Variants in TRPM3 observed in about 807,000 individuals in gnomAD.
The protein encoded by TRPM3 is long transient receptor potential channel 3.
TRPM3 carries 77 observed loss-of-function variants against 181.2 expected under a neutral mutation model. The ratio of observed to expected loss-of-function variants is 0.42; its 90% CI spans 0.35 to 0.51. The LOEUF (loss-of-function observed/expected upper bound fraction) is 0.51. Ranked by LOEUF, TRPM3 falls within the 20% of genes least tolerant of loss-of-function variation. TRPM3 has a pLI of 0.01. For missense variants in TRPM3, 1,759 were observed against 2,196.7 expected, an observed-to-expected ratio of 0.80 and a Z score of 3.98; for synonymous variants, 745 against 796.4, an observed-to-expected ratio of 0.94 and a Z score of 1.09.
At chr9:70,542,811 A>G (rs1374079751) in intron 25 of TRPM3, among the ~76,000 whole-genome samples, 1 of 152,152 alleles carries the variant, frequency 6.6e-6, no homozygotes, top group African/African-American at 2.4e-5. Flanking sequence ...TATTGCATGA[A>G]CTCTATCCTG....
intron 1 of TRPM3, among the ~76,000 whole-genome samples, chr9:70,893,695 C>A (rs1219526807): frequency 2.0e-5 from 3 of 152,082 alleles, no homozygotes; most frequent in Non-Finnish European, 2.9e-5. Context: ...AAGCAAAGCG[C>A]CCTCCTCCTG....
rs2041783872 is a variant in TRPM3 at position 70,536,476 on chromosome 9, T to G, written c.4637A>C (p.Asn1546Thr). The G allele has an allele frequency of 6.2e-7, 1 of 1,614,184 alleles. No individual in the cohort carries two copies. The highest frequency in any genetic ancestry group is 8.5e-7 in the Non-Finnish European group (1 of 1,180,030). The change falls in exon 26 of 26, where the codon AAC becomes ACC. Residue 1546 changes from asparagine to threonine, a missense_variant. Physicochemically the swap from Asn to Thr is moderately conservative, Grantham distance 65. This residue lies in a region of TRPM3 where 612 missense variants were observed against 590.0 expected (regional missense o/e 1.04). Transcript: ENST00000677713. The part of the protein sequence containing the change: ...MFSPSRSYYA[N>T]FGVPVKTAEY... ...TGCTGTTTTTACAGGCACCCCAAAG[T>G]TGGCATAATAGCTCCTTGAGGGGGA... is the stretch of plus-strand genomic sequence containing the variant.
chr9:71,117,208 C>G (rs181926697), intron 1 of TRPM3, among the ~76,000 whole-genome samples: 18 of 152,290 alleles, frequency 1.2e-4, no homozygotes, highest in Admixed American at 3.9e-4. Flanking sequence ...GTTGCATCAT[C>G]TCACCCATTT....
intron 1 of TRPM3, among the ~76,000 whole-genome samples, chr9:71,319,933 CTT>C (rs981182071): frequency 7.2e-5 from 11 of 152,062 alleles, no homozygotes; most frequent in Non-Finnish European, 1.5e-5. Context: ...TATAAGAAGA[CTT>C]TATATCTTTG....
intron 8 of TRPM3, among the ~76,000 whole-genome samples, chr9:70,700,462 G>A (rs1389717289): frequency 1.3e-5 from 2 of 152,132 alleles, no homozygotes; most frequent in Non-Finnish European, 2.9e-5. Flanking sequence ...ACTCTGCAGT[G>A]GAATCAGAAT....
rs537405130 is a variant in TRPM3 at position 71,064,711 on chromosome 9, G to A, written c.177+56467C>T. On this transcript the variant is annotated intron_variant, in intron 1 of 25. Coordinates refer to ENST00000677713, the MANE Select transcript of TRPM3 (RefSeq NM_001366145.2). ...AGACTGTTTGAAACTTTGAATTCAC[G>A]TCAGTCAGTAGCCATTTTAAAACCC... Among the ~76,000 whole-genome samples the A allele has an allele frequency of 2.6e-4, 40 of 152,164 alleles. No individual in the cohort carries two copies. The South Asian group carries it at 2.9e-3, about 11-fold the overall frequency.
intron 8 of TRPM3, among the ~76,000 whole-genome samples, chr9:70,698,024 A>C (rs1351172788): frequency 6.6e-6 from 1 of 152,078 alleles, no homozygotes; most frequent in African/African-American, 2.4e-5. Flanking sequence ...CCTAGCCAAC[A>C]TGGTGAAACC....
chr9:71,288,484 C>T (rs1532801), intron 1 of TRPM3, among the ~76,000 whole-genome samples: 32,548 of 151,936 alleles, frequency 0.21, 3,800 homozygotes, highest in African/African-American at 0.27. Context: ...AAAATATATA[C>T]GTTTTGCTTC....
intron 19 of TRPM3, among the ~76,000 whole-genome samples, chr9:70,606,828 AAACT>A (rs758122027): frequency 5.3e-5 from 8 of 151,742 alleles, no homozygotes; most frequent in South Asian, 4.1e-4. Context: ...CATGCTTCTT[AAACT>A]AACTATCAAA....
At chr9:70,742,489 G>A (rs1455928305) in intron 8 of TRPM3, among the ~76,000 whole-genome samples, 1 of 152,086 alleles carries the variant, frequency 6.6e-6, no homozygotes, top group Admixed American at 6.6e-5. Flanking sequence ...TTATTAACCA[G>A]TTATCCTCCA....
intron 9 of TRPM3, among the ~76,000 whole-genome samples, chr9:70,673,667 G>A (rs764808025): frequency 6.6e-6 from 1 of 152,058 alleles, no homozygotes; most frequent in Non-Finnish European, 1.5e-5. Flanking sequence ...AGTGGCTCAC[G>A]CCTGTAATCC....
chr9:71,420,793 GAGAAAGAA>G (rs1249550049), intron 1 of TRPM3, among the ~76,000 whole-genome samples: 3 of 18,784 alleles, frequency 1.6e-4, no homozygotes, highest in East Asian at 2.0e-3. Context: ...GAGAAAGAGA[GAGAAAGAA>G]AGAGAGAAAG....
chr9:70,943,480 G>A (rs995723972), intron 1 of TRPM3, among the ~76,000 whole-genome samples: 4 of 152,034 alleles, frequency 2.6e-5, no homozygotes, highest in Admixed American at 1.3e-4. Context: ...TCAATAACCC[G>A]AGTTGACTGT....
intron 1 of TRPM3, among the ~76,000 whole-genome samples, chr9:71,211,301 G>C (rs910558111): frequency 2.0e-5 from 3 of 151,820 alleles, no homozygotes; most frequent in African/African-American, 7.3e-5. Flanking sequence ...TATTCCAGAA[G>C]ATAAAACCCT....
intron 7 of TRPM3, among the ~76,000 whole-genome samples, chr9:70,765,080 A>C (rs1207703905): frequency 6.6e-6 from 1 of 152,216 alleles, no homozygotes; most frequent in Non-Finnish European, 1.5e-5. Context: ...TTTGCAGAAG[A>C]GAAAACTATG....
intron 1 of TRPM3, among the ~76,000 whole-genome samples, chr9:70,909,333 A>G (rs1758498392): frequency 1.3e-5 from 2 of 152,194 alleles, no homozygotes; most frequent in South Asian, 4.1e-4. Flanking sequence ...ATGTTAAATC[A>G]GCTGGCCTTT....
chr9:70,825,874 G>GT (rs1258778355), intron 6 of TRPM3: 1 of 152,326 alleles, frequency 6.6e-6, no homozygotes, highest in Non-Finnish European at 1.5e-5. Flanking sequence ...AGGTGCCAAA[G>GT]TTTGACTAAA....
At chr9:70,985,012 G>A (rs1481627011) in intron 1 of TRPM3, among the ~76,000 whole-genome samples, 1 of 152,192 alleles carries the variant, frequency 6.6e-6, no homozygotes, top group Admixed American at 6.5e-5. Flanking sequence ...ACATGCAGAT[G>A]TGAACAATAA....
intron 1 of TRPM3, among the ~76,000 whole-genome samples, chr9:71,072,928 C>A (rs573226614): frequency 6.6e-6 from 1 of 152,218 alleles, no homozygotes; most frequent in Admixed American, 6.5e-5. Context: ...CTCCTCCTCC[C>A]TACTCTTTCT....
Sources: gnomAD v4.1 joint callset for allele counts (sites outside exome capture counted in the v4.1 genomes callset) on GRCh38, gnomAD v4.1.1 for gene constraint, gnomAD v4.1.1 regional missense constraint, MANE v1.5 for transcripts, NCBI Gene and HGNC (gene_info 2026-07-23, HGNC 2026-07-21) for gene names.